Variants in GATAD2B observed in about 807,000 individuals in gnomAD.
GATAD2B encodes the protein transcriptional repressor p66-beta.
In GATAD2B, 8 loss-of-function variants were observed where a neutral mutation model predicts 64.3. That is an observed-to-expected ratio of 0.12 (90% confidence interval 0.07 to 0.22). GATAD2B has a LOEUF of 0.22. GATAD2B is among the 10% of genes least tolerant of loss of function. GATAD2B has a pLI of 1.00. For synonymous variants in GATAD2B, 281 were observed against 271.3 expected, an observed-to-expected ratio of 1.04 and a Z score of -0.35; for missense variants, 453 against 752.0, an observed-to-expected ratio of 0.60 and a Z score of 4.65.
intron 1 of GATAD2B, among the ~76,000 whole-genome samples, chr1:153,869,271 G>T (rs955403046): frequency 7.4e-6 from 1 of 135,594 alleles, no homozygotes; most frequent in Non-Finnish European, 1.6e-5. Flanking sequence ...CAGCCCAGGC[G>T]ACAGAGCAAG....
At chr1:153,854,924 T>C (rs1026739763) in intron 1 of GATAD2B, among the ~76,000 whole-genome samples, 25 of 152,012 alleles carry the variant, frequency 1.6e-4, no homozygotes, top group African/African-American at 5.3e-4. Flanking sequence ...ATATTTCAAA[T>C]CAATGAGCAC....
intron 1 of GATAD2B, among the ~76,000 whole-genome samples, chr1:153,842,005 C>T (rs1325937808): frequency 6.6e-6 from 1 of 152,122 alleles, no homozygotes; most frequent in Non-Finnish European, 1.5e-5. Flanking sequence ...CTATGTTACC[C>T]AGGCTGGAGT....
chr1:153,894,399 C>CAG (rs1327289176), intron 1 of GATAD2B, among the ~76,000 whole-genome samples: 1 of 151,794 alleles, frequency 6.6e-6, no homozygotes, highest in Non-Finnish European at 1.5e-5. Context: ...ACCCAGAAGG[C>CAG]AGAGGTTGCA....
At chr1:153,876,072 A>G (rs7542682) in intron 1 of GATAD2B, among the ~76,000 whole-genome samples, 26 of 151,782 alleles carry the variant, frequency 1.7e-4, no homozygotes, top group African/African-American at 6.1e-4. Flanking sequence ...ACTAAAAAAT[A>G]CAAAAATTAG....
At chr1:153,826,136 G>T (rs530560066) in intron 2 of GATAD2B, among the ~76,000 whole-genome samples, 2 of 151,970 alleles carry the variant, frequency 1.3e-5, no homozygotes, top group African/African-American at 4.8e-5. Flanking sequence ...CCCAAGTAGC[G>T]GGGACTACAG....
rs1162009805 is a variant in GATAD2B, at chr1:153,827,931, C to T, written c.335+82G>A. 4.5e-5 allele frequency: 42 copies of T among 930,802 alleles called. 1 individual carries two copies. The highest frequency in any genetic ancestry group is 1.9e-4 in the South Asian group (12 of 62,378). The allele number at this position is 930,802 out of a possible 1,614,324, so 57.7% of individuals were successfully genotyped here. A position where few individuals can be genotyped will look rare whatever the true frequency, so the allele number is the denominator to read the frequency against. On this transcript the variant is annotated intron_variant, in intron 2 of 10. Coordinates refer to ENST00000368655, the MANE Select transcript of GATAD2B (RefSeq NM_020699.4). The stretch of plus-strand genomic sequence containing the variant: ...TAAGAATCTTTAGGATGAAAAACAC[C>T]CTCCTCTCATTGGAATTCATTCCAT...
intron 1 of GATAD2B, among the ~76,000 whole-genome samples, chr1:153,873,889 C>T (rs890422544): frequency 2.6e-5 from 4 of 151,930 alleles, no homozygotes; most frequent in Admixed American, 1.3e-4. Flanking sequence ...TTCAAGGCTA[C>T]AATAAGCTAT....
intron 2 of GATAD2B, among the ~76,000 whole-genome samples, chr1:153,825,037 C>G (rs10908488): frequency 0.97 from 148,021 of 152,254 alleles, 72,090 homozygotes; most frequent in East Asian, 1. Context: ...AGTGAACGGA[C>G]ATCATGCCAC....
intron 1 of GATAD2B, among the ~76,000 whole-genome samples, chr1:153,851,459 A>T (rs182705829): frequency 7.2e-5 from 11 of 152,272 alleles, no homozygotes. Context: ...TAAAAAAAAT[A>T]GCCATCTTGA....
rs1360803324 is a variant in GATAD2B, at chr1:153,819,818, G to C, written c.336-83C>G. On this transcript the variant is annotated intron_variant, in intron 2 of 10. Transcript: ENST00000368655. The stretch of plus-strand genomic sequence containing the variant: ...GCTGAATTAAAAAAATCCAAGGGGG[G>C]CCGGGTGCGGTGGCTCACTCCTGTA... 3.1e-6 allele frequency: 4 copies of C among 1,274,092 alleles called. No homozygotes were observed. The Admixed American group carries it at 9.4e-5, about 30-fold the overall frequency. The allele number at this position is 1,274,092 out of a possible 1,614,324, so 78.9% of individuals were successfully genotyped here. A position where few individuals can be genotyped will look rare whatever the true frequency, so the allele number is the denominator to read the frequency against.
intron 1 of GATAD2B, among the ~76,000 whole-genome samples, chr1:153,851,812 G>C (rs192030744): frequency 2.8e-3 from 423 of 152,298 alleles, no homozygotes; most frequent in Non-Finnish European, 4.8e-3. Context: ...AACAGTAACA[G>C]AGGGTAACAC....
chr1:153,883,888 G>C (rs12042562), intron 1 of GATAD2B, among the ~76,000 whole-genome samples: 37,459 of 152,092 alleles, frequency 0.25, 5,720 homozygotes, highest in Admixed American at 0.38. Flanking sequence ...GGTACCTTCA[G>C]AGCCTTGGAA....
intron 1 of GATAD2B, among the ~76,000 whole-genome samples, chr1:153,859,898 TTTTC>T (rs1344266333): frequency 1.7e-5 from 2 of 117,048 alleles, no homozygotes; most frequent in African/African-American, 5.8e-5. Context: ...AGGAATTTTC[TTTTC>T]TTTTCTTTTT....
At chr1:153,867,956 T>C (rs905435421) in intron 1 of GATAD2B, among the ~76,000 whole-genome samples, 16 of 152,152 alleles carry the variant, frequency 1.1e-4, no homozygotes, top group Non-Finnish European at 2.4e-4. Context: ...CCCAGCACTC[T>C]GGGAGGCTGA....
At chr1:153,854,886 A>G (rs1429604126) in intron 1 of GATAD2B, among the ~76,000 whole-genome samples, 1 of 152,234 alleles carries the variant, frequency 6.6e-6, no homozygotes, top group Non-Finnish European at 1.5e-5. Flanking sequence ...TAACATGGAA[A>G]CAATCTGACA....
rs1011389493 is a variant in GATAD2B at position 153,907,062 on chromosome 1, T to C, written c.-2+15671A>G. On this transcript the variant is annotated intron_variant, in intron 1 of 10. Transcript: ENST00000368655. The stretch of plus-strand genomic sequence containing the variant: ...TGTGCATTGCTGACAGAAATGTAAA[T>C]GATACAGTTACTGTGGAAAACTGTA... 2.2e-4 allele frequency among the ~76,000 whole-genome samples: 33 copies of C among 152,316 alleles called. No individual in the cohort carries two copies. The Middle Eastern group carries it at 0.014, about 63-fold the overall frequency.
At chr1:153,919,170 G>A (rs923938099) in intron 1 of GATAD2B, among the ~76,000 whole-genome samples, 2 of 152,134 alleles carry the variant, frequency 1.3e-5, no homozygotes, top group South Asian at 2.1e-4. Context: ...CAAAAGTAAC[G>A]AATGATGTGT....
At chr1:153,818,395 A>C (rs1570929436) in intron 4 of GATAD2B, among the ~76,000 whole-genome samples, 1 of 149,970 alleles carries the variant, frequency 6.7e-6, no homozygotes, top group African/African-American at 2.5e-5. Flanking sequence ...GCTCACTGCA[A>C]GCTCCACCTC....
intron 1 of GATAD2B, among the ~76,000 whole-genome samples, chr1:153,908,044 C>A (rs1678001445): frequency 6.6e-6 from 1 of 152,170 alleles, no homozygotes; most frequent in Non-Finnish European, 1.5e-5. Context: ...ACCTCATGAT[C>A]TGCCTGCCTT....
Sources: allele counts gnomAD v4.1 joint callset (sites outside exome capture counted in the v4.1 genomes callset), GRCh38; gene constraint gnomAD v4.1.1; transcripts MANE v1.5; gene names NCBI Gene and HGNC (gene_info 2026-07-23, HGNC 2026-07-21).